The following EYS variants were observed in gnomAD, a reference collection of about 807,000 sequenced individuals.
EYS encodes EGF-like photoreceptor maintenance factor.
In EYS, 250 loss-of-function variants were observed where a neutral mutation model predicts 282.1. The ratio of observed to expected loss-of-function variants is 0.89; its 90% CI spans 0.80 to 0.98. EYS has a LOEUF of 0.98. Among genes scored for constraint, EYS ranks in the 50% least tolerant of loss-of-function variants. The pLI, the probability that EYS is intolerant of heterozygous loss-of-function variation, is 0.00. For missense variants in EYS, 4,016 were observed against 3,709.0 expected (o/e 1.08, Z -2.15); for synonymous variants, 1,355 against 1,282.9 (o/e 1.06, Z -1.20).
Position 64,241,078 on chromosome 6 carries a change from C to T in EYS, c.6192-10254G>A, listed in dbSNP as rs991065053. Among the ~76,000 whole-genome samples, 4 of 152,214 alleles carry T rather than the reference C, an allele frequency of 2.6e-5. No individual in the cohort carries two copies. In the Middle Eastern group the frequency reaches 0.01, roughly 391 times the overall value. On this transcript the variant is annotated intron_variant, in intron 30 of 42. Transcript: ENST00000503581. ...TATTGATTTGTGTATTTGAACCACC[C>T]TTGCATCCCAGGGATGAAGCCGACT... is the stretch of plus-strand genomic sequence containing the variant.
intron 22 of EYS, among the ~76,000 whole-genome samples, chr6:64,790,718 T>C (rs781623291): frequency 2.6e-5 from 4 of 151,912 alleles, no homozygotes; most frequent in Non-Finnish European, 5.9e-5. Context: ...TATTCTCATC[T>C]GTTTCTTACT....
chr6:65,251,801 G>C (rs537052816), intron 12 of EYS, among the ~76,000 whole-genome samples: 3 of 152,124 alleles, frequency 2.0e-5, no homozygotes, highest in Middle Eastern at 3.4e-3. Context: ...GACTCAAAGA[G>C]TGGGAAAGGA....
At chr6:64,019,661 G>A (rs1769082004) in intron 33 of EYS, among the ~76,000 whole-genome samples, 9 of 151,538 alleles carry the variant, frequency 5.9e-5, no homozygotes, top group Admixed American at 2.6e-4. Context: ...TGCCCGCCTC[G>A]GCCTCTCAAA....
At chr6:63,786,394 G>A (rs1162432224) in intron 39 of EYS, among the ~76,000 whole-genome samples, 1 of 151,926 alleles carries the variant, frequency 6.6e-6, no homozygotes, top group Non-Finnish European at 1.5e-5. Flanking sequence ...ATTAATTAAT[G>A]TGGTGGCTTC....
At chr6:65,611,397 A>T (rs932603681) in intron 2 of EYS, among the ~76,000 whole-genome samples, 1 of 152,052 alleles carries the variant, frequency 6.6e-6, no homozygotes, top group East Asian at 1.9e-4. Flanking sequence ...GTATACCTTC[A>T]GTATGAATAT....
In EYS at chr6:63,789,239, CA is replaced by C. The variant is rs2149670956; in HGVS notation, c.7412-16del. 4.5e-6 allele frequency: 7 copies of C among 1,548,852 alleles called. No individual in the cohort carries two copies. In the South Asian group the frequency reaches 6.0e-5, roughly 13 times the overall value. On this transcript the variant is annotated splice_polypyrimidine_tract_variant and intron_variant, in intron 37 of 42. Coordinates refer to ENST00000503581, the MANE Select transcript of EYS (RefSeq NM_001142800.2). ...GCCATTCAACCCTGGAATGAGAAGA[CA>C]CATGGGGAATGCTCACTGAGAGGAA...
intron 35 of EYS, among the ~76,000 whole-genome samples, chr6:63,882,824 A>G (rs1773167366): frequency 6.6e-6 from 1 of 152,202 alleles, no homozygotes; most frequent in Non-Finnish European, 1.5e-5. Flanking sequence ...AATAGTGAAC[A>G]ACAGATATGA....
intron 19 of EYS, among the ~76,000 whole-genome samples, chr6:64,880,429 T>A (rs1264453012): frequency 6.6e-6 from 1 of 151,882 alleles, no homozygotes; most frequent in Non-Finnish European, 1.5e-5. Context: ...CATAAAAATG[T>A]AAATATCAGT....
rs139924903 is a variant in EYS, at chr6:65,045,140, C to T, written c.2137+12474G>A. On this transcript the variant is annotated intron_variant, in intron 13 of 42. Coordinates refer to ENST00000503581, the MANE Select transcript of EYS (RefSeq NM_001142800.2). ...ATCTGAAGAATGGTTTGTCTATATG[C>T]TATTCCACCATTGCCAGAAGCCTCC... Among the ~76,000 whole-genome samples the T allele has an allele frequency of 5.5e-4, 83 of 151,940 alleles. 1 individual carries two copies. The highest frequency in any genetic ancestry group is 1.9e-3 in the African/African-American group (80 of 41,526).
intron 22 of EYS, among the ~76,000 whole-genome samples, chr6:64,703,220 C>G (rs1420104521): frequency 3.3e-5 from 5 of 151,398 alleles, no homozygotes; most frequent in Non-Finnish European, 7.4e-5. Context: ...TTCCCCTTGT[C>G]TAATTGATGG....
chr6:64,052,831 C>T (rs1447088312), intron 33 of EYS, among the ~76,000 whole-genome samples: 1 of 152,120 alleles, frequency 6.6e-6, no homozygotes, highest in Admixed American at 6.6e-5. Flanking sequence ...TCTCTTCTGC[C>T]ACCCTGCGAA....
chr6:64,398,199 A>G (rs952757836), intron 28 of EYS, among the ~76,000 whole-genome samples: 2 of 151,966 alleles, frequency 1.3e-5, no homozygotes, highest in South Asian at 2.1e-4. Flanking sequence ...TATTATTTAC[A>G]TGCTTACCAC....
At chr6:64,822,446 C>A (rs184707019) in intron 20 of EYS, among the ~76,000 whole-genome samples, 4 of 151,816 alleles carry the variant, frequency 2.6e-5, no homozygotes, top group Non-Finnish European at 5.9e-5. Flanking sequence ...TGCTAATGAA[C>A]AGAAATAAAA....
chr6:64,919,522 G>A (rs892411754), intron 15 of EYS, among the ~76,000 whole-genome samples: 3 of 147,642 alleles, frequency 2.0e-5, no homozygotes, highest in South Asian at 4.3e-4. Flanking sequence ...CTTCTATTTA[G>A]GCCATCAAGC....
At chr6:65,474,277 A>T (rs1765321782) in intron 5 of EYS, among the ~76,000 whole-genome samples, 1 of 152,130 alleles carries the variant, frequency 6.6e-6, no homozygotes. Context: ...GGTACATGGT[A>T]GAATGCATAG....
At chr6:65,182,567 T>C (rs1765417168) in intron 12 of EYS, among the ~76,000 whole-genome samples, 1 of 150,116 alleles carries the variant, frequency 6.7e-6, no homozygotes, top group Non-Finnish European at 1.5e-5. Flanking sequence ...GTTTTGTATT[T>C]CCTTGACATA....
At chr6:65,246,879 T>C (rs778229406) in intron 12 of EYS, among the ~76,000 whole-genome samples, 1 of 152,090 alleles carries the variant, frequency 6.6e-6, no homozygotes, top group Non-Finnish European at 1.5e-5. Context: ...GTGACAAACA[T>C]ATTTTCAAGT....
chr6:65,321,331 G>T (rs1285016602), intron 11 of EYS, among the ~76,000 whole-genome samples: 3 of 151,854 alleles, frequency 2.0e-5, no homozygotes, highest in African/African-American at 4.8e-5. Flanking sequence ...GGCTAAAAGA[G>T]GGTTGCAGTT....
intron 5 of EYS, among the ~76,000 whole-genome samples, chr6:65,428,409 C>G (rs115210976): frequency 6.6e-6 from 1 of 151,980 alleles, no homozygotes; most frequent in East Asian, 1.9e-4. Context: ...ACTTGTATTG[C>G]GCTAATTATG....
Sources: allele counts gnomAD v4.1 joint callset (sites outside exome capture counted in the v4.1 genomes callset), GRCh38; gene constraint gnomAD v4.1.1; transcripts MANE v1.5; gene names NCBI Gene and HGNC (gene_info 2026-07-23, HGNC 2026-07-21).